Variants in TNFSF12 observed in about 807,000 individuals in gnomAD.
TNFSF12 encodes tumor necrosis factor ligand superfamily member 12.
A neutral mutation model predicts 31.2 loss-of-function variants in TNFSF12; 16 were observed. The observed-to-expected ratio is 0.51, with a 90% CI of 0.35 to 0.78. The LOEUF (loss-of-function observed/expected upper bound fraction) is 0.78, where lower values mean the gene tolerates loss of function less well. Among genes scored for constraint, TNFSF12 ranks in the 30% least tolerant of loss-of-function variants. TNFSF12 has a pLI of 0.01. For missense variants in TNFSF12, 324 were observed against 338.8 expected, an observed-to-expected ratio of 0.96 and a Z score of 0.34; for synonymous variants, 150 against 151.4, an observed-to-expected ratio of 0.99 and a Z score of 0.07.
chr17:7,554,960 G>A (rs1357773177), intron 5 of TNFSF12, among the ~76,000 whole-genome samples: 3 of 151,912 alleles, frequency 2.0e-5, no homozygotes, highest in Non-Finnish European at 4.4e-5. Flanking sequence ...GAGGAAACAA[G>A]CATATAAATT....
At chr17:7,552,571 C>T (rs1340364788) in intron 5 of TNFSF12, among the ~76,000 whole-genome samples, 1 of 151,872 alleles carries the variant, frequency 6.6e-6, no homozygotes, top group Non-Finnish European at 1.5e-5. Flanking sequence ...TCAGGTGATC[C>T]GCCAGCCTCA....
At chr17:7,556,120 A>G (rs2071062523) in intron 5 of TNFSF12, among the ~76,000 whole-genome samples, 1 of 151,714 alleles carries the variant, frequency 6.6e-6, no homozygotes, top group Admixed American at 6.6e-5. Context: ...AGCTAGGATT[A>G]CAGGTGCCTG....
chr17:7,553,560 G>C, intron 5 of TNFSF12: 1 of 1,104,120 alleles, frequency 9.1e-7, no homozygotes, highest in Non-Finnish European at 1.2e-6. Flanking sequence ...CTAAAAGGAA[G>C]ATACTCTAAT....
At chr17:7,553,530 A>G in intron 5 of TNFSF12, 1 of 808,732 alleles carries the variant, frequency 1.2e-6, no homozygotes, top group South Asian at 1.4e-5. Flanking sequence ...GTTTGGTCTT[A>G]TCTAATCCTC....
chr17:7,556,799 G>A lies in TNFSF12; in HGVS notation c.395G>A (p.Gly132Asp). 3 of 1,541,952 alleles carry A rather than the reference G, an allele frequency of 1.9e-6. No individual in the cohort carries two copies. The highest frequency in any genetic ancestry group is 2.6e-6 in the Non-Finnish European group (3 of 1,142,980). The change falls in exon 6 of 7, where the codon GGC becomes GAC. Residue 132 changes from glycine (G) to aspartate (D), a missense_variant. Coordinates refer to ENST00000293825, the MANE Select transcript of TNFSF12 (RefSeq NM_003809.3). Reference protein sequence around the residue: ...AQAGVDGTVSGWEEARINSSS... With the variant: ...AQAGVDGTVSDWEEARINSSS... ...TCAGGTGTGGACGGGACAGTGAGTG[G>A]CTGGGAGGAAGCCAGAATCAACAGC...
intron 5 of TNFSF12, among the ~76,000 whole-genome samples, chr17:7,552,746 G>A (rs2071014566): frequency 6.6e-6 from 1 of 152,170 alleles, no homozygotes; most frequent in Non-Finnish European, 1.5e-5. Context: ...AAAACCAGCA[G>A]AGACTGAAAA....
intron 5 of TNFSF12, among the ~76,000 whole-genome samples, chr17:7,556,002 A>C (rs2071060968): frequency 4.8e-5 from 1 of 21,022 alleles, no homozygotes; most frequent in Admixed American, 4.7e-4. Context: ...TTTTTTGGAG[A>C]CAGAGTCTAG....
At chr17:7,553,023 C>CTTTCTTTTTTTTTTT (rs1567721053) in intron 5 of TNFSF12, among the ~76,000 whole-genome samples, 6 of 66,100 alleles carry the variant, frequency 9.1e-5, no homozygotes, top group East Asian at 4.0e-4. Context: ...CAGGGACAAC[C>CTTTCTTTTTTTTTTT]TTTTTTTTTT....
chr17:7,549,974 G>C lies in TNFSF12; in HGVS notation c.208-146G>C, dbSNP rs986891908. 11 of 1,295,218 alleles carry C rather than the reference G, an allele frequency of 8.5e-6. No individual in the cohort carries two copies. In the African/African-American group the frequency reaches 1.3e-4, roughly 16 times the overall value. 80.2% of individuals were successfully genotyped at this position (1,295,218 alleles called of 1,614,324 possible). On this transcript the variant is annotated intron_variant, in intron 2 of 6. Coordinates refer to ENST00000293825, the MANE Select transcript of TNFSF12 (RefSeq NM_003809.3). The surrounding 1 kb of genome is among the most constrained non-coding windows in gnomAD (Gnocchi z 4.1). Reference sequence around the variant, plus strand: ...CTGACTCCCAGCTTCACCTTTGCCCGGGGCCCCAGCTGTAGTTGGCTGAGG... The same window carrying C: ...CTGACTCCCAGCTTCACCTTTGCCCCGGGCCCCAGCTGTAGTTGGCTGAGG...
At chr17:7,554,674 C>T (rs1234405415) in intron 5 of TNFSF12, among the ~76,000 whole-genome samples, 2 of 143,970 alleles carry the variant, frequency 1.4e-5, no homozygotes, top group African/African-American at 5.2e-5. Flanking sequence ...AGCTGGAGTG[C>T]AGTGGCGCCA....
intron 5 of TNFSF12, among the ~76,000 whole-genome samples, chr17:7,554,833 CGT>C (rs2071042770): frequency 1.4e-5 from 2 of 144,190 alleles, no homozygotes; most frequent in South Asian, 4.5e-4. Context: ...TAGCCAGGAG[CGT>C]CTCGATCTCC....
chr17:7,549,640 ACAC>A lies in TNFSF12; in HGVS notation c.207+120_207+122del. 7.2e-7 allele frequency: 1 copy of A among 1,396,718 alleles called. No individual in the cohort carries two copies. Among genetic ancestry groups the A allele is most frequent in the Middle Eastern group, 1.9e-4 (1 of 5,336 alleles). 86.5% of individuals were successfully genotyped at this position (1,396,718 alleles called of 1,614,324 possible). ...CGAGGTGTGTGCAGGGTGTGTGTGAACACAGTGCGTGCATGGGTGCGTGTCTGC... is the reference window on the plus strand; with the variant it reads ...CGAGGTGTGTGCAGGGTGTGTGTGAAAGTGCGTGCATGGGTGCGTGTCTGC... On this transcript the variant is annotated intron_variant, in intron 2 of 6. Coordinates refer to ENST00000293825, the MANE Select transcript of TNFSF12 (RefSeq NM_003809.3). This position sits in a 1 kb window ranked among gnomAD's most constrained non-coding sequence, Gnocchi z 4.1.
Position 7,557,454 on chromosome 17 carries a change from G to C in TNFSF12, c.*104G>C, listed in dbSNP as rs928718513. On this transcript the variant is annotated 3_prime_UTR_variant, in exon 7 of 7. Transcript: ENST00000293825. This position sits in a 1 kb window ranked among gnomAD's most constrained non-coding sequence, Gnocchi z 5.2. Reference sequence around the variant, plus strand: ...CCACCCTCAGCCGCTCTTTGCTCCAGACCTGCCCCTCCCTCTAGAGGCTGC... The same window carrying C: ...CCACCCTCAGCCGCTCTTTGCTCCACACCTGCCCCTCCCTCTAGAGGCTGC... 5 of 1,444,376 alleles carry C rather than the reference G, an allele frequency of 3.5e-6. No individual in the cohort carries two copies. The highest frequency in any genetic ancestry group is 4.8e-5 in the East Asian group (2 of 41,788). 89.5% of individuals were successfully genotyped at this position (1,444,376 alleles called of 1,614,324 possible).
rs1270472716 is a variant in TNFSF12, at chr17:7,549,068, C to T, written c.-86C>T. The T allele has an allele frequency of 1.0e-5, 12 of 1,174,632 alleles. No homozygotes were observed. The highest frequency in any genetic ancestry group is 1.3e-5 in the Non-Finnish European group (12 of 937,862). The allele number at this position is 1,174,632 out of a possible 1,614,324, so 72.8% of individuals were successfully genotyped here. A position where few individuals can be genotyped will look rare whatever the true frequency, so the allele number is the denominator to read the frequency against. ...TTCCCTTGCCCCTCCCTCTCCCCGG[C>T]CCGATCCGCCCGCCGGCTCCCCCTC... On this transcript the variant is annotated 5_prime_UTR_variant, in exon 1 of 7. Transcript: ENST00000293825. This position sits in a 1 kb window ranked among gnomAD's most constrained non-coding sequence, Gnocchi z 4.1.
At position 7,549,411 on chromosome 17, in the gene TNFSF12, G is replaced by T; in HGVS notation, c.160-63G>T. The T allele has an allele frequency of 7.0e-7, 1 of 1,435,150 alleles. No individual in the cohort carries two copies. The highest frequency in any genetic ancestry group is 1.4e-5 in the South Asian group (1 of 69,136). The allele number at this position is 1,435,150 out of a possible 1,614,324, so 88.9% of individuals were successfully genotyped here. A position where few individuals can be genotyped will look rare whatever the true frequency, so the allele number is the denominator to read the frequency against. ...TGGGCTGAAGGCAAGGGGAAGGGAG[G>T]ATGGGTGGAGGGTGAGATGTCAGGT... On this transcript the variant is annotated intron_variant, in intron 1 of 6. Coordinates refer to ENST00000293825, the MANE Select transcript of TNFSF12 (RefSeq NM_003809.3). The surrounding 1 kb of genome is among the most constrained non-coding windows in gnomAD (Gnocchi z 4.1).
chr17:7,556,769 C>T lies in TNFSF12; in HGVS notation c.374-9C>T, dbSNP rs367612596. The T allele has an allele frequency of 1.0e-4, 152 of 1,498,174 alleles. No individual in the cohort carries two copies. Among genetic ancestry groups the T allele is most frequent in the Non-Finnish European group, 1.3e-4 (145 of 1,122,452 alleles). 92.8% of individuals were successfully genotyped at this position (1,498,174 alleles called of 1,614,324 possible). A position where few individuals can be genotyped will look rare whatever the true frequency, so the allele number is the denominator to read the frequency against. On this transcript the variant is annotated splice_polypyrimidine_tract_variant and intron_variant, in intron 5 of 6. Coordinates refer to ENST00000293825, the MANE Select transcript of TNFSF12 (RefSeq NM_003809.3). ...AGACGTTTCCTTATCTCTGAGCATC[C>T]GTGTTCAGGTGTGGACGGGACAGTG... is the stretch of plus-strand genomic sequence containing the variant.
Position 7,550,774 on chromosome 17 carries a change from T to C in TNFSF12, c.284-25T>C. 1.9e-6 allele frequency: 3 copies of C among 1,601,274 alleles called. No individual in the cohort carries two copies. The highest frequency in any genetic ancestry group is 2.6e-6 in the Non-Finnish European group (3 of 1,169,416). ...GGACCCCCACTAGGGCCCGCTTTGCTCATCTGTCTTTCCTTGATCCTCAGC... is the reference window on the plus strand; with the variant it reads ...GGACCCCCACTAGGGCCCGCTTTGCCCATCTGTCTTTCCTTGATCCTCAGC... On this transcript the variant is annotated intron_variant, in intron 3 of 6. Transcript: ENST00000293825. This position sits in a 1 kb window ranked among gnomAD's most constrained non-coding sequence, Gnocchi z 4.4.
At position 7,549,190 on chromosome 17, in the gene TNFSF12, C is replaced by CG. The variant is rs1758010557; in HGVS notation, c.43dup (p.Glu15GlyfsTer83). The CG allele has an allele frequency of 2.3e-6, 3 of 1,305,740 alleles. No homozygotes were observed. The highest frequency in any genetic ancestry group is 4.5e-5 in the South Asian group (2 of 44,136). The allele number at this position is 1,305,740 out of a possible 1,614,324, so 80.9% of individuals were successfully genotyped here. ...TCGGAGCCAGAGGCGGAGGGGGCGC[C>CG]GGGGGGAGCCGGGCACCGCCCTGCT... is the stretch of plus-strand genomic sequence containing the variant. On this transcript the variant is annotated frameshift_variant, in exon 1 of 7. Coordinates refer to ENST00000293825, the MANE Select transcript of TNFSF12 (RefSeq NM_003809.3). LOFTEE classifies it high-confidence loss of function. The surrounding 1 kb of genome is among the most constrained non-coding windows in gnomAD (Gnocchi z 4.1).
chr17:7,555,866 A>T (rs968306207), intron 5 of TNFSF12, among the ~76,000 whole-genome samples: 1 of 151,292 alleles, frequency 6.6e-6, no homozygotes, highest in Non-Finnish European at 1.5e-5. Flanking sequence ...TGCTGTTCAG[A>T]TGGTGCAGTT....
Sources: allele counts gnomAD v4.1 joint callset (sites outside exome capture counted in the v4.1 genomes callset), GRCh38; gene constraint gnomAD v4.1.1; non-coding constraint Gnocchi (gnomAD v3.1); transcripts MANE v1.5; gene names NCBI Gene and HGNC (gene_info 2026-07-23, HGNC 2026-07-21).